The following SLC38A12 variants were observed in gnomAD, a reference collection of about 807,000 sequenced individuals.
The protein encoded by SLC38A12 is putative sodium-coupled neutral amino acid transporter 12.
chr17:74,792,246 T>A, the SLC38A12 span, among the ~76,000 whole-genome samples: 1 of 151,448 alleles, frequency 6.6e-6, no homozygotes, highest in Non-Finnish European at 1.5e-5. Context: ...AGACCAGGAG[T>A]TGGAGACCAG....
the SLC38A12 span, chr17:74,790,412 G>A: frequency 2.2e-6 from 2 of 923,680 alleles, no homozygotes; most frequent in African/African-American, 1.6e-5. Flanking sequence ...CTGCCCCTGG[G>A]TTCTGAGGCA....
At chr17:74,837,751 C>G in the SLC38A12 span, 1 of 985,904 alleles carries the variant, frequency 1.0e-6, no homozygotes, top group Non-Finnish European at 1.2e-6. Flanking sequence ...TCCCACTCAG[C>G]CATGCACGCA....
the SLC38A12 span, chr17:74,837,955 C>T: frequency 5.1e-6 from 5 of 985,224 alleles, no homozygotes; most frequent in Non-Finnish European, 6.0e-6. Flanking sequence ...GGGTCTCAGG[C>T]CCCACCCCTC....
chr17:74,795,041 A>G, the SLC38A12 span: 4 of 1,613,728 alleles, frequency 2.5e-6, no homozygotes, highest in East Asian at 4.5e-5. Flanking sequence ...TTTCTGCATC[A>G]TCGTTTACCT....
the SLC38A12 span, among the ~76,000 whole-genome samples, chr17:74,793,256 C>G: frequency 6.6e-6 from 1 of 152,168 alleles, no homozygotes; most frequent in Non-Finnish European, 1.5e-5. Context: ...TGGTAGGGTG[C>G]TGAGCAGCAT....
the SLC38A12 span, among the ~76,000 whole-genome samples, chr17:74,794,432 T>C: frequency 6.6e-6 from 1 of 152,168 alleles, no homozygotes; most frequent in Admixed American, 6.5e-5. Flanking sequence ...TTGAGCACCA[T>C]CTCCCCAGCA....
the SLC38A12 span, among the ~76,000 whole-genome samples, chr17:74,778,278 T>C: frequency 6.6e-6 from 1 of 152,186 alleles, no homozygotes; most frequent in Admixed American, 6.5e-5. Context: ...AGGGCCCTCT[T>C]GCCTGGATAA....
chr17:74,810,960 C>T, the SLC38A12 span, among the ~76,000 whole-genome samples: 2 of 152,148 alleles, frequency 1.3e-5, no homozygotes, highest in Admixed American at 6.5e-5. Context: ...TGTGTTTGGT[C>T]GGGAAGAACT....
the SLC38A12 span, among the ~76,000 whole-genome samples, chr17:74,833,952 G>C: frequency 1.3e-5 from 2 of 152,106 alleles, no homozygotes; most frequent in Non-Finnish European, 2.9e-5. Context: ...TCTGGCCTCT[G>C]TACCCCCACC....
the SLC38A12 span, among the ~76,000 whole-genome samples, chr17:74,779,561 T>C: frequency 2.6e-5 from 4 of 152,216 alleles, no homozygotes; most frequent in Admixed American, 6.5e-5. Context: ...GGAACAATTC[T>C]TGGTCCTCTG....
the SLC38A12 span, among the ~76,000 whole-genome samples, chr17:74,834,700 T>C: frequency 6.6e-6 from 1 of 152,220 alleles, no homozygotes; most frequent in South Asian, 2.1e-4. Context: ...CTTTGGCCAC[T>C]GCCCCTTCAC....
the SLC38A12 span, among the ~76,000 whole-genome samples, chr17:74,833,861 G>A: frequency 1.3e-5 from 2 of 152,148 alleles, no homozygotes; most frequent in African/African-American, 4.8e-5. Flanking sequence ...CCATTGCCCT[G>A]ACCCTTGTGC....
the SLC38A12 span, among the ~76,000 whole-genome samples, chr17:74,825,699 G>A: frequency 2.0e-5 from 3 of 152,246 alleles, no homozygotes; most frequent in Non-Finnish European, 2.9e-5. Context: ...TGGCCCAGCT[G>A]TCCGGGCACT....
chr17:74,795,689 A>C, the SLC38A12 span: 36 of 1,350,178 alleles, frequency 2.7e-5, no homozygotes, highest in Non-Finnish European at 3.8e-5. Flanking sequence ...AGCTGAGGGC[A>C]TTTGAAGTGC....
chr17:74,791,384 G>T, the SLC38A12 span, among the ~76,000 whole-genome samples: 1 of 138,036 alleles, frequency 7.2e-6, no homozygotes, highest in Non-Finnish European at 1.5e-5. Context: ...AGCTACTCCA[G>T]TGAGGTTCAG....
the SLC38A12 span, chr17:74,836,889 C>G: frequency 1.3e-5 from 18 of 1,373,928 alleles, no homozygotes; most frequent in Non-Finnish European, 1.6e-5. This position sits in a 1 kb window ranked among gnomAD's most constrained non-coding sequence, Gnocchi z 4.2. Flanking sequence ...CCCCGGGCAG[C>G]TCTCCCACCA....
At chr17:74,799,649 G>A in the SLC38A12 span, among the ~76,000 whole-genome samples, 7 of 152,312 alleles carry the variant, frequency 4.6e-5, no homozygotes, top group Admixed American at 1.3e-4. Flanking sequence ...TCAGATTCAG[G>A]CTCAGGTTGA....
the SLC38A12 span, chr17:74,788,718 A>G: frequency 4.1e-3 from 5,697 of 1,390,942 alleles, 202 homozygotes; most frequent in African/African-American, 0.071. Context: ...GGTTCTTACA[A>G]TGGTGTTTTC....
At chr17:74,798,160 T>C in the SLC38A12 span, among the ~76,000 whole-genome samples, 1 of 152,210 alleles carries the variant, frequency 6.6e-6, no homozygotes, top group Admixed American at 6.5e-5. Flanking sequence ...CCAGGCTGCA[T>C]TTTTAAAAGG....
Sources: allele counts gnomAD v4.1 joint callset (sites outside exome capture counted in the v4.1 genomes callset), GRCh38; gene constraint gnomAD v4.1.1; non-coding constraint Gnocchi (gnomAD v3.1); transcripts MANE v1.5; gene names NCBI Gene and HGNC (gene_info 2026-07-23, HGNC 2026-07-21).